Variants in NRP2 observed in about 807,000 individuals in gnomAD.
NRP2 encodes the protein neuropilin-2.
NRP2 carries 52 observed loss-of-function variants against 110.4 expected under a neutral mutation model. The observed-to-expected ratio is 0.47, with a 90% CI of 0.38 to 0.59. NRP2 has a LOEUF of 0.59. Ranked by LOEUF, NRP2 falls within the 20% of genes least tolerant of loss-of-function variation. The pLI, the probability that NRP2 is intolerant of heterozygous loss-of-function variation, is 0.00. For synonymous variants in NRP2, 508 were observed against 468.9 expected (o/e 1.08, Z -1.08); for missense variants, 1,049 against 1,203.0 (o/e 0.87, Z 1.89).
intron 12 of NRP2, among the ~76,000 whole-genome samples, chr2:205,758,285 G>A (rs1322281748): frequency 6.6e-6 from 1 of 152,184 alleles, no homozygotes; most frequent in Non-Finnish European, 1.5e-5. Context: ...GGTCGTTCTA[G>A]TAGGAGGGCA....
At chr2:205,753,116 T>C in intron 12 of NRP2, 141 bp downstream of exon 12, 1 of 1,168,452 alleles carries the variant, frequency 8.6e-7, no homozygotes, top group African/African-American at 1.5e-5. Context: ...ACCACAGTCT[T>C]TGCTCAAGAC....
In NRP2 at chr2:205,764,208, G is replaced by C. The variant is rs908077970; in HGVS notation, c.2307+272G>C. 1.4e-5 allele frequency: 7 copies of C among 489,422 alleles called. No homozygotes were observed. In the Admixed American group the frequency reaches 2.6e-4, roughly 18 times the overall value. 30.3% of individuals were successfully genotyped at this position (489,422 alleles called of 1,614,324 possible). ...CCATTTTATTTTAGATTGCTATCAGGTAGGCTGACAAAGGGACACAGAAGC... is the reference window on the plus strand; with the variant it reads ...CCATTTTATTTTAGATTGCTATCAGCTAGGCTGACAAAGGGACACAGAAGC... On this transcript the variant is annotated intron_variant, in intron 13 of 16. Transcript: ENST00000357785.
At chr2:205,714,357 A>G (rs1214608107) in intron 2 of NRP2, among the ~76,000 whole-genome samples, 1 of 152,174 alleles carries the variant, frequency 6.6e-6, no homozygotes, top group African/African-American at 2.4e-5. Flanking sequence ...TGCATTTCTT[A>G]GTCCAGATGA....
intron 3 of NRP2, among the ~76,000 whole-genome samples, chr2:205,717,377 CT>C (rs753222186): frequency 3.9e-5 from 6 of 152,212 alleles, no homozygotes; most frequent in Non-Finnish European, 8.8e-5. Flanking sequence ...AGACCGGCGC[CT>C]GTTGAGTTCA....
At chr2:205,737,907 C>T (rs1221226935) in intron 7 of NRP2, among the ~76,000 whole-genome samples, 1 of 152,156 alleles carries the variant, frequency 6.6e-6, no homozygotes, top group African/African-American at 2.4e-5. Flanking sequence ...GAAGACTGAC[C>T]CCCTCCCTCA....
chr2:205,721,625 C>G (rs1042474616), intron 3 of NRP2, among the ~76,000 whole-genome samples: 2 of 152,156 alleles, frequency 1.3e-5, no homozygotes, highest in Non-Finnish European at 2.9e-5. Flanking sequence ...CATCCAAGCT[C>G]GCACCAGGAT....
intron 12 of NRP2, chr2:205,761,383 A>G (rs191605894): frequency 6.6e-6 from 1 of 152,228 alleles, no homozygotes; most frequent in African/African-American, 2.4e-5. Context: ...TAAAAAAGAC[A>G]TGAAAAAACC....
At chr2:205,722,391 G>A in intron 3 of NRP2, 87 bp from the exon 4 acceptor site, 1 of 1,103,956 alleles carries the variant, frequency 9.1e-7, no homozygotes, top group Non-Finnish European at 1.4e-6. Flanking sequence ...AGGGGGATTT[G>A]GGGCCAAACA....
intron 15 of NRP2, chr2:205,767,679 C>T: frequency 4.2e-6 from 1 of 240,212 alleles, no homozygotes; most frequent in Non-Finnish European, 8.5e-6. Flanking sequence ...AACCTATTAG[C>T]GGACACTGCT....
chr2:205,751,319 GGT>G (rs2057641386), intron 11 of NRP2, among the ~76,000 whole-genome samples: 1 of 152,046 alleles, frequency 6.6e-6, no homozygotes, highest in Non-Finnish European at 1.5e-5. Context: ...TTTCTTTGAT[GGT>G]TCCTCCCTTT....
chr2:205,718,744 C>T (rs2056952006), intron 3 of NRP2, among the ~76,000 whole-genome samples: 1 of 152,082 alleles, frequency 6.6e-6, no homozygotes. Context: ...GAGTTTGACA[C>T]CAGCCTGGCC....
chr2:205,763,843 G>C lies in NRP2; in HGVS notation c.2214G>C (p.Gln738His). 1 of 1,614,168 alleles carries C rather than the reference G, an allele frequency of 6.2e-7. No individual in the cohort carries two copies. Among genetic ancestry groups the C allele is most frequent in the East Asian group, 2.2e-5 (1 of 44,878 alleles). The change falls in exon 13 of 17, where the codon CAG becomes CAC. Residue 738 changes from glutamine to histidine, a missense_variant. Coordinates refer to ENST00000357785, the MANE Select transcript of NRP2 (RefSeq NM_003872.3). This position sits in a 1 kb window ranked among gnomAD's most constrained non-coding sequence, Gnocchi z 4.0. ...VALQVVREAS[Q>H]ESKLLWVIRE... The stretch of plus-strand genomic sequence containing the variant: ...TGCAGGTGGTGCGGGAAGCCAGCCA[G>C]GAGAGCAAGTTGCTGTGGGTCATCC...
At chr2:205,780,923 TG>T (rs148514672) in intron 15 of NRP2, among the ~76,000 whole-genome samples, 1,954 of 152,344 alleles carry the variant, frequency 0.013, 54 homozygotes, top group African/African-American at 0.045. Flanking sequence ...GAGCATTTTT[TG>T]TTTCCCCAGT....
rs758105913 is a variant in NRP2 at position 205,727,949 on chromosome 2, G to A, written c.1049G>A (p.Arg350Lys). 3 of 1,614,150 alleles carry A rather than the reference G, an allele frequency of 1.9e-6. No homozygotes were observed. Among genetic ancestry groups the A allele is most frequent in the Non-Finnish European group, 1.7e-6 (2 of 1,180,026 alleles). The change falls in exon 7 of 17, where the codon AGG (arginine) becomes AAG (lysine). Residue 350 changes from arginine (R) to lysine (K), a missense_variant. Arg to Lys is a conservative substitution (Grantham distance 26). Coordinates refer to ENST00000357785, the MANE Select transcript of NRP2 (RefSeq NM_003872.3). ...ATCGCAACACAGGGAGCGATTTCCA[G>A]GGAAACACAGAATGGCTACTATGTC... The part of the protein sequence containing the change: ...TAIATQGAIS[R>K]ETQNGYYVKS...
chr2:205,694,589 C>T (rs2056383468), intron 1 of NRP2, among the ~76,000 whole-genome samples: 1 of 152,226 alleles, frequency 6.6e-6, no homozygotes, highest in Non-Finnish European at 1.5e-5. Flanking sequence ...GGAGATTGGC[C>T]TTAAGGGTTT....
intron 14 of NRP2, among the ~76,000 whole-genome samples, chr2:205,765,986 T>A (rs2057911737): frequency 6.6e-6 from 1 of 152,242 alleles, no homozygotes; most frequent in Non-Finnish European, 1.5e-5. Context: ...GTAAGAGTGA[T>A]AACACAATTA....
At chr2:205,767,203 T>G in intron 15 of NRP2, 1 of 322,738 alleles carries the variant, frequency 3.1e-6, no homozygotes, top group Non-Finnish European at 6.0e-6. Flanking sequence ...ATGATTTATT[T>G]TAGCCTGAAG....
intron 1 of NRP2, 24 bp downstream of exon 1, chr2:205,683,387 T>C (rs1315994532): frequency 1.9e-6 from 3 of 1,565,234 alleles, no homozygotes; most frequent in East Asian, 2.2e-5. Flanking sequence ...AGTTTTTCTA[T>C]TTATTGCAAC....
chr2:205,700,784 G>T (rs2056537105), intron 2 of NRP2: 1 of 517,902 alleles, frequency 1.9e-6, no homozygotes, highest in South Asian at 1.4e-5. Flanking sequence ...CACCATCTCT[G>T]GTGAACTTCC....
Sources: allele counts gnomAD v4.1 joint callset (sites outside exome capture counted in the v4.1 genomes callset), GRCh38; gene constraint gnomAD v4.1.1; non-coding constraint Gnocchi (gnomAD v3.1); transcripts MANE v1.5; gene names NCBI Gene and HGNC (gene_info 2026-07-23, HGNC 2026-07-21).